SRBD1: variants seen among roughly 807,000 people sequenced by gnomAD.
The protein encoded by SRBD1 is S1 RNA binding domain 1, also known as S1 RNA-binding domain-containing protein 1.
In SRBD1, 88 loss-of-function variants were observed where a neutral mutation model predicts 115.3. The ratio of observed to expected loss-of-function variants is 0.76; its 90% CI spans 0.64 to 0.91. The LOEUF is 0.91. Ranked by LOEUF, SRBD1 falls within the 40% of genes least tolerant of loss-of-function variation. The pLI, the probability that SRBD1 is intolerant of heterozygous loss-of-function variation, is 0.00. For missense variants in SRBD1, 1,385 were observed against 1,177.4 expected (o/e 1.18, Z -2.58); for synonymous variants, 509 against 407.7 (o/e 1.25, Z -2.99).
intron 4 of SRBD1, among the ~76,000 whole-genome samples, chr2:45,596,921 A>C (rs982677129): frequency 1.9e-5 from 2 of 103,044 alleles, no homozygotes; most frequent in African/African-American, 4.3e-5. Flanking sequence ...ACACCCCCCC[A>C]CAACCCTAAC....
chr2:45,402,213 G>C (rs1461271021), intron 19 of SRBD1, among the ~76,000 whole-genome samples: 1 of 152,136 alleles, frequency 6.6e-6, no homozygotes, highest in Non-Finnish European at 1.5e-5. Flanking sequence ...GAATCCTTGT[G>C]TATCTGTTGG....
intron 14 of SRBD1, among the ~76,000 whole-genome samples, chr2:45,523,504 A>G (rs1296757190): frequency 1.3e-5 from 2 of 151,964 alleles, no homozygotes; most frequent in East Asian, 3.8e-4. Flanking sequence ...AAAACTAGAA[A>G]TGAACAGGGG....
At chr2:45,410,410 G>C (rs1325682655) in intron 19 of SRBD1, among the ~76,000 whole-genome samples, 2 of 152,046 alleles carry the variant, frequency 1.3e-5, no homozygotes, top group African/African-American at 4.8e-5. Flanking sequence ...AAAGGTCAAA[G>C]ACAACAAAAA....
At chr2:45,545,304 A>AAC (rs1672079902) in intron 14 of SRBD1, among the ~76,000 whole-genome samples, 1 of 148,984 alleles carries the variant, frequency 6.7e-6, no homozygotes, top group Non-Finnish European at 1.5e-5. Context: ...AAAAAAAAAA[A>AAC]AAAAAAAAAA....
At chr2:45,419,122 T>C (rs563329443) in intron 17 of SRBD1, among the ~76,000 whole-genome samples, 1 of 152,334 alleles carries the variant, frequency 6.6e-6, no homozygotes, top group South Asian at 2.1e-4. Flanking sequence ...AAATTCCATA[T>C]ATGAAATTAT....
At chr2:45,579,665 C>T (rs184417833) in intron 7 of SRBD1, among the ~76,000 whole-genome samples, 46 of 151,800 alleles carry the variant, frequency 3.0e-4, no homozygotes, top group South Asian at 4.2e-4. Flanking sequence ...AATAGAAAAA[C>T]GGGCAAAAGA....
At chr2:45,462,536 A>G (rs1669348333) in intron 16 of SRBD1, among the ~76,000 whole-genome samples, 1 of 152,104 alleles carries the variant, frequency 6.6e-6, no homozygotes, top group African/African-American at 2.4e-5. Flanking sequence ...AGTACAATAA[A>G]CAGATTGGGT....
chr2:45,417,395 C>G (rs1029846013), intron 18 of SRBD1, among the ~76,000 whole-genome samples: 1 of 152,132 alleles, frequency 6.6e-6, no homozygotes, highest in Non-Finnish European at 1.5e-5. Flanking sequence ...TTACCACAAA[C>G]TAAATTCTAA....
intron 14 of SRBD1, among the ~76,000 whole-genome samples, chr2:45,532,051 C>A (rs1304923454): frequency 6.9e-6 from 1 of 145,048 alleles, no homozygotes; most frequent in Non-Finnish European, 1.5e-5. Flanking sequence ...CTCTCCAACC[C>A]AAAGAAAAAC....
chr2:45,494,484 A>T (rs1296166620), intron 14 of SRBD1, among the ~76,000 whole-genome samples: 1 of 152,178 alleles, frequency 6.6e-6, no homozygotes, highest in Non-Finnish European at 1.5e-5. Context: ...ACATTTTATG[A>T]CATCATTATG....
At position 45,389,263 on chromosome 2, in the gene SRBD1, C is replaced by A; in HGVS notation, c.*47G>T. On this transcript the variant is annotated 3_prime_UTR_variant, in exon 21 of 21. Transcript: ENST00000263736. ...AAACAACTGACTTATCCTTGTCAAT[C>A]TGTGGAAATGAGAAAATAAAATCAG... 2 of 1,583,092 alleles carry A rather than the reference C, an allele frequency of 1.3e-6. No individual in the cohort carries two copies. The highest frequency in any genetic ancestry group is 1.2e-5 in the South Asian group (1 of 86,854).
At chr2:45,533,821 G>C (rs1050919718) in intron 14 of SRBD1, among the ~76,000 whole-genome samples, 1 of 152,016 alleles carries the variant, frequency 6.6e-6, no homozygotes, top group Non-Finnish European at 1.5e-5. Flanking sequence ...TGTCTAAACA[G>C]GACATCTGTT....
chr2:45,493,513 T>C lies in SRBD1; in HGVS notation c.1875-5182A>G, dbSNP rs557526881. On this transcript the variant is annotated intron_variant, in intron 14 of 20. Coordinates refer to ENST00000263736, the MANE Select transcript of SRBD1 (RefSeq NM_018079.5). ...CTCAAATGAGCAATATCTAGTCATC[T>C]TAAAAACTTAGGTAAGGCCAGGCAC... Among the ~76,000 whole-genome samples, 9 of 152,226 alleles carry C rather than the reference T, an allele frequency of 5.9e-5. 1 individual carries two copies. Among genetic ancestry groups the C allele is most frequent in the Non-Finnish European group, 1.2e-4 (8 of 67,974 alleles).
chr2:45,545,304 A>C (rs943944219), intron 14 of SRBD1, among the ~76,000 whole-genome samples: 1 of 149,072 alleles, frequency 6.7e-6, no homozygotes, highest in Non-Finnish European at 1.5e-5. Flanking sequence ...AAAAAAAAAA[A>C]AAAAAAAAAA....
chr2:45,444,474 T>C (rs1049183887), intron 16 of SRBD1, among the ~76,000 whole-genome samples: 2 of 152,236 alleles, frequency 1.3e-5, no homozygotes, highest in African/African-American at 2.4e-5. Context: ...TGGTAATTTT[T>C]TTTAAATCTT....
chr2:45,532,273 G>A (rs1416824691), intron 14 of SRBD1, among the ~76,000 whole-genome samples: 1 of 151,824 alleles, frequency 6.6e-6, no homozygotes, highest in Non-Finnish European at 1.5e-5. Context: ...ATGCAAACCA[G>A]CTGAAACATT....
intron 19 of SRBD1, among the ~76,000 whole-genome samples, chr2:45,410,847 A>G (rs1322459719): frequency 6.6e-6 from 1 of 152,200 alleles, no homozygotes; most frequent in African/African-American, 2.4e-5. Context: ...GGAGGTTCCT[A>G]GAGGGTAGTA....
intron 2 of SRBD1, among the ~76,000 whole-genome samples, chr2:45,604,023 C>G (rs1674184083): frequency 1.3e-5 from 2 of 152,064 alleles, no homozygotes; most frequent in East Asian, 1.9e-4. Context: ...CTTTCATACC[C>G]CAAATCCAAT....
At chr2:45,551,058 A>G (rs1183648084) in intron 12 of SRBD1, 67 bp downstream of exon 12, 2 of 1,515,998 alleles carry the variant, frequency 1.3e-6, no homozygotes, top group Non-Finnish European at 1.8e-6. Context: ...AATCCTCATG[A>G]AATGTATGAA....
Sources: gnomAD v4.1 joint callset for allele counts (sites outside exome capture counted in the v4.1 genomes callset) on GRCh38, gnomAD v4.1.1 for gene constraint, MANE v1.5 for transcripts, NCBI Gene and HGNC (gene_info 2026-07-23, HGNC 2026-07-21) for gene names.